Variants in TRMT2B observed in about 807,000 individuals in gnomAD.
TRMT2B encodes tRNA methyltransferase 2B.
TRMT2B carries 34 observed loss-of-function variants against 39.7 expected under a neutral mutation model. The observed-to-expected ratio is 0.86, with a 90% CI of 0.65 to 1.14. The LOEUF (loss-of-function observed/expected upper bound fraction) is 1.14. TRMT2B is among the 50% of genes most tolerant of loss of function. TRMT2B has a pLI of 0.00. For missense variants in TRMT2B, 318 were observed against 377.2 expected (o/e 0.84, Z 1.30); for synonymous variants, 132 against 137.3 (o/e 0.96, Z 0.27).
Position 101,051,291 on chromosome X carries a change from C to T in TRMT2B, c.-64G>A, listed in dbSNP as rs2089075848. On this transcript the variant is annotated 5_prime_UTR_variant, in exon 2 of 14. In the 5' UTR this introduces an upstream ATG that the reference lacks. Transcript: ENST00000372936. Reference sequence around the variant, plus strand: ...GATCCCTTTTGGAGCAAAATGTTCACCCACCGACAAGGGTCCTGCTTGCAC... The same window carrying T: ...GATCCCTTTTGGAGCAAAATGTTCATCCACCGACAAGGGTCCTGCTTGCAC... 1.3e-6 allele frequency: 1 copy of T among 751,430 alleles called. No homozygotes were observed. Among genetic ancestry groups the T allele is most frequent in the Non-Finnish European group, 1.6e-6 (1 of 638,947 alleles). 61.9% of individuals were successfully genotyped at this position (751,430 alleles called of 1,213,427 possible).
At chrX:101,024,217 T>C (rs983929472) in intron 7 of TRMT2B, among the ~76,000 whole-genome samples, 2 of 110,938 alleles carry the variant, frequency 1.8e-5, no homozygotes, top group African/African-American at 6.5e-5. Flanking sequence ...AAAAAGACCA[T>C]GTGTGGACAC....
downstream of TRMT2B, among the ~76,000 whole-genome samples, chrX:101,004,747 C>T (rs149549278): frequency 6.5e-4 from 72 of 110,935 alleles, no homozygotes; most frequent in African/African-American, 2.4e-3. Flanking sequence ...GTGATCTGCC[C>T]GCCTCGGCCT....
At chrX:101,015,433 C>G (rs2086464000) in intron 13 of TRMT2B, among the ~76,000 whole-genome samples, 1 of 111,704 alleles carries the variant, frequency 9.0e-6, no homozygotes, top group African/African-American at 3.3e-5. Context: ...AATGCATTAT[C>G]AAGCTTTTGT....
chrX:100,975,527 T>C, the TRMT2B span, among the ~76,000 whole-genome samples: 1 of 111,847 alleles, frequency 8.9e-6, no homozygotes, highest in Non-Finnish European at 1.9e-5. Context: ...CTTTAGCCTG[T>C]GGCCTTTTAG....
chrX:100,999,809 T>A, the TRMT2B span, among the ~76,000 whole-genome samples: 1 of 112,273 alleles, frequency 8.9e-6, no homozygotes, highest in Admixed American at 9.5e-5. Context: ...AAAATTCAGA[T>A]GTTTGGGCCA....
At position 101,036,952 on chromosome X, in the gene TRMT2B, G is replaced by A. The variant is rs767148272; in HGVS notation, c.538+22C>T. On this transcript the variant is annotated intron_variant, in intron 6 of 13. Transcript: ENST00000372936. The stretch of plus-strand genomic sequence containing the variant: ...CCCTTTCATTCCTCTTCAGTCTTTG[G>A]TTTATACAACCTTCAACTGACCTCT... 3.5e-6 allele frequency: 4 copies of A among 1,150,067 alleles called. No homozygotes were observed. The South Asian group carries it at 7.2e-5, about 21-fold the overall frequency. The allele number at this position is 1,150,067 out of a possible 1,213,427, so 94.8% of individuals were successfully genotyped here. A position where few individuals can be genotyped will look rare whatever the true frequency, so the allele number is the denominator to read the frequency against.
intron 2 of TRMT2B, among the ~76,000 whole-genome samples, chrX:101,048,735 C>T (rs1249436549): frequency 8.9e-6 from 1 of 112,560 alleles, no homozygotes; most frequent in Non-Finnish European, 1.9e-5. Context: ...CCACCACATT[C>T]GGCTGGAGCC....
chrX:101,032,414 C>T (rs1309804642), intron 7 of TRMT2B, among the ~76,000 whole-genome samples: 12 of 107,831 alleles, frequency 1.1e-4, no homozygotes, highest in Admixed American at 2.0e-4. Context: ...AGTGAAACCC[C>T]GTCTCTACTA....
intron 2 of TRMT2B, among the ~76,000 whole-genome samples, chrX:101,045,221 G>A (rs1213881286): frequency 9.1e-6 from 1 of 109,936 alleles, no homozygotes; most frequent in African/African-American, 3.3e-5. Flanking sequence ...TTGGGAGGCC[G>A]AGGTGGGCGA....
At chrX:101,047,854 G>A (rs2088787865) in intron 2 of TRMT2B, among the ~76,000 whole-genome samples, 1 of 108,577 alleles carries the variant, frequency 9.2e-6, no homozygotes, top group African/African-American at 3.3e-5. Context: ...ATGGGGTCTC[G>A]CTATGTTTTC....
the TRMT2B span, among the ~76,000 whole-genome samples, chrX:100,988,995 G>A: frequency 9.2e-6 from 1 of 108,268 alleles, no homozygotes. Context: ...TTTAATCACA[G>A]CACTGTGTAC....
the TRMT2B span, chrX:100,990,345 AAGAAAGTAACAG>A: frequency 3.2e-6 from 3 of 927,874 alleles, no homozygotes; most frequent in African/African-American, 4.1e-5. Context: ...GAGAAAGTAA[AAGAAAGTAACAG>A]AGAAAGTAAA....
At position 101,010,570 on chromosome X, in the gene TRMT2B, T is replaced by C. The variant is rs927001928; in HGVS notation, c.*11A>G. On this transcript the variant is annotated 3_prime_UTR_variant, in exon 14 of 14. Coordinates refer to ENST00000372936, the MANE Select transcript of TRMT2B (RefSeq NM_024917.6). ...CCTTAACAAATAGCCTGCTGTCTTCTAGGAGGCTGCTTATCGAGTAAAGAG... is the reference window on the plus strand; with the variant it reads ...CCTTAACAAATAGCCTGCTGTCTTCCAGGAGGCTGCTTATCGAGTAAAGAG... The C allele has an allele frequency of 4.1e-6, 5 of 1,208,830 alleles. No homozygotes were observed. Among genetic ancestry groups the C allele is most frequent in the Non-Finnish European group, 5.6e-6 (5 of 894,817 alleles).
downstream of TRMT2B, among the ~76,000 whole-genome samples, chrX:101,006,732 G>A (rs762935079): frequency 1.8e-3 from 197 of 110,141 alleles, 1 homozygote; most frequent in African/African-American, 5.9e-3. Context: ...GAGCCCCGGA[G>A]TTCAAGGTGG....
chrX:101,041,995 A>G (rs1242648325), intron 3 of TRMT2B, 47 bp downstream of exon 3: 1 of 1,186,501 alleles, frequency 8.4e-7, no homozygotes, highest in Admixed American at 2.2e-5. Flanking sequence ...CAGCAGATGT[A>G]CAGATTGAGA....
At chrX:101,027,923 A>G (rs992284176) in intron 7 of TRMT2B, among the ~76,000 whole-genome samples, 9 of 104,876 alleles carry the variant, frequency 8.6e-5, no homozygotes, top group Admixed American at 2.2e-4. Context: ...TACACAAAAC[A>G]CCTGGGGCTT....
chrX:101,050,266 T>G (rs1282873635), intron 2 of TRMT2B, among the ~76,000 whole-genome samples: 1 of 112,096 alleles, frequency 8.9e-6, no homozygotes, highest in Non-Finnish European at 1.9e-5. Flanking sequence ...CAGCCATCAT[T>G]CTAGGTAAAG....
chrX:100,998,362 G>C, the TRMT2B span, among the ~76,000 whole-genome samples: 4 of 106,224 alleles, frequency 3.8e-5, no homozygotes, highest in African/African-American at 1.0e-4. Context: ...TCATTTATTT[G>C]TCAACAAATA....
At chrX:100,997,134 CTGAG>C in the TRMT2B span, among the ~76,000 whole-genome samples, 1 of 111,710 alleles carries the variant, frequency 9.0e-6, no homozygotes, top group African/African-American at 3.3e-5. Flanking sequence ...ATCTGGGTAT[CTGAG>C]TGAGTAAAAT....
Sources: allele counts gnomAD v4.1 joint callset (sites outside exome capture counted in the v4.1 genomes callset), GRCh38; gene constraint gnomAD v4.1.1; transcripts MANE v1.5; gene names NCBI Gene and HGNC (gene_info 2026-07-23, HGNC 2026-07-21).